IFT172: variants seen among roughly 807,000 people sequenced by gnomAD.
IFT172 encodes the protein intraflagellar transport 172.
In IFT172, 164 loss-of-function variants were observed where a neutral mutation model predicts 248.9. The ratio of observed to expected loss-of-function variants is 0.66; its 90% CI spans 0.58 to 0.75. The LOEUF (loss-of-function observed/expected upper bound fraction) is 0.75. Among genes scored for constraint, IFT172 ranks in the 30% least tolerant of loss-of-function variants. The pLI is 0.00. For synonymous variants in IFT172, 729 were observed against 791.6 expected (o/e 0.92, Z 1.33); for missense variants, 1,950 against 2,192.4 (o/e 0.89, Z 2.21).
chr2:27,453,902 A>G, intron 33 of IFT172, 80 bp downstream of exon 33: 2 of 1,479,186 alleles, frequency 1.4e-6, no homozygotes, highest in Non-Finnish European at 1.8e-6. Flanking sequence ...ATCTTTCTTC[A>G]TACCAGGGGT....
chr2:27,475,354 T>C (rs1374906710), intron 14 of IFT172: 1 of 152,142 alleles, frequency 6.6e-6, no homozygotes, highest in African/African-American at 2.4e-5. Context: ...ATCACTGTAA[T>C]AGTGAAAAAT....
chr2:27,475,045 C>T (rs1475724066), intron 14 of IFT172, among the ~76,000 whole-genome samples: 1 of 151,906 alleles, frequency 6.6e-6, no homozygotes, highest in Admixed American at 6.6e-5. Flanking sequence ...AAGAGACACT[C>T]TGATTTTAAA....
At chr2:27,484,642 AT>A (rs1668620973) in intron 3 of IFT172, among the ~76,000 whole-genome samples, 1 of 152,160 alleles carries the variant, frequency 6.6e-6, no homozygotes. Context: ...GCCAAAAATG[AT>A]GCTGAGGGAA....
In IFT172 at chr2:27,454,863, G is replaced by C. The variant is rs1463524089; in HGVS notation, c.3372-203C>G. 2.0e-5 allele frequency among the ~76,000 whole-genome samples: 3 copies of C among 151,418 alleles called. No homozygotes were observed. The highest frequency in any genetic ancestry group is 7.4e-5 in the African/African-American group (3 of 40,734). Reference sequence around the variant, plus strand: ...GTGAAGACCATGTCACTGTCAGCGTGGATCAAGAGACGTCTGGAAAAGCCT... The same window carrying C: ...GTGAAGACCATGTCACTGTCAGCGTCGATCAAGAGACGTCTGGAAAAGCCT... On this transcript the variant is annotated intron_variant, in intron 30 of 47. Transcript: ENST00000260570. The surrounding 1 kb of genome is among the most constrained non-coding windows in gnomAD (Gnocchi z 4.2).
At chr2:27,448,299 C>T (rs1364773222) in intron 40 of IFT172, among the ~76,000 whole-genome samples, 6 of 152,108 alleles carry the variant, frequency 3.9e-5, no homozygotes, top group Admixed American at 3.9e-4. Flanking sequence ...CGGGGTTTCA[C>T]CGTGTTAGCC....
chr2:27,489,683 G>C lies in IFT172; in HGVS notation c.-30C>G. 5 of 1,591,166 alleles carry C rather than the reference G, an allele frequency of 3.1e-6. No homozygotes were observed. Among genetic ancestry groups the C allele is most frequent in the Non-Finnish European group, 4.3e-6 (5 of 1,163,692 alleles). Reference sequence around the variant, plus strand: ...CACACCTGTCTTTCAGATGCTCCTAGACAGCGACAACTCCCGTGGTTACCT... The same window carrying C: ...CACACCTGTCTTTCAGATGCTCCTACACAGCGACAACTCCCGTGGTTACCT... On this transcript the variant is annotated 5_prime_UTR_variant, in exon 1 of 48. Coordinates refer to ENST00000260570, the MANE Select transcript of IFT172 (RefSeq NM_015662.3).
chr2:27,446,441 T>A, intron 42 of IFT172, 86 bp from the exon 43 acceptor site: 1 of 1,146,578 alleles, frequency 8.7e-7, no homozygotes, highest in Non-Finnish European at 1.3e-6. Flanking sequence ...GCCACAGAAC[T>A]AAAAAACAAC....
chr2:27,454,095 C>A lies in IFT172; in HGVS notation c.3598G>T (p.Ala1200Ser), dbSNP rs377521375. 25 of 1,613,976 alleles carry A rather than the reference C, an allele frequency of 1.5e-5. No individual in the cohort carries two copies. Among genetic ancestry groups the A allele is most frequent in the Non-Finnish European group, 2.1e-5 (25 of 1,180,026 alleles). The change falls in exon 33 of 48, where the codon GCC becomes TCC. Residue 1200 changes from alanine (A) to serine (S), a missense_variant. Physicochemically the swap from Ala to Ser is moderately conservative, Grantham distance 99 (BLOSUM62 1). Coordinates refer to ENST00000260570, the MANE Select transcript of IFT172 (RefSeq NM_015662.3). The surrounding 1 kb of genome is among the most constrained non-coding windows in gnomAD (Gnocchi z 4.2). ...CGGGCCTGTCCCACAAGCACCTCGG[C>A]GACACTGTCAGGGTCGTGAGCCTCA... ...VAEAHDPDSV[A>S]EVLVGQARGA...
At chr2:27,463,526 TCTC>T (rs1389183058) in intron 18 of IFT172, among the ~76,000 whole-genome samples, 2 of 143,256 alleles carry the variant, frequency 1.4e-5, no homozygotes, top group East Asian at 2.0e-4. Context: ...GTGATTCTTT[TCTC>T]TTTTTTTTTT....
Position 27,461,347 on chromosome 2 carries a change from G to T in IFT172, c.2364C>A (p.Thr788=). 1.2e-6 allele frequency: 2 copies of T among 1,614,146 alleles called. No homozygotes were observed. The highest frequency in any genetic ancestry group is 1.7e-6 in the Non-Finnish European group (2 of 1,180,024). The change falls in exon 22 of 48, where the codon ACC becomes ACA. Residue 788 remains threonine, a synonymous_variant. Transcript: ENST00000260570. ...LPAKAARLVL[T]REELLANTEL... ...CTGTGTTGGCTAGCAGTTCCTCTCGGGTCAGCACCAGCCGAGCAGCTTTGG... is the reference window on the plus strand; with the variant it reads ...CTGTGTTGGCTAGCAGTTCCTCTCGTGTCAGCACCAGCCGAGCAGCTTTGG...
chr2:27,444,422 G>A lies in IFT172; in HGVS notation c.*10C>T. 6.3e-7 allele frequency: 1 copy of A among 1,587,140 alleles called. No homozygotes were observed. Among genetic ancestry groups the A allele is most frequent in the Non-Finnish European group, 8.6e-7 (1 of 1,157,102 alleles). On this transcript the variant is annotated 3_prime_UTR_variant, in exon 48 of 48. Transcript: ENST00000260570. ...AGGGAGAGGCCCTAACTCTTCCTCA[G>A]CTCTACCAACTACTGAAAGGAAAAG...
Position 27,489,638 on chromosome 2 carries a change from G to A in IFT172, c.16C>T (p.Leu6=), listed in dbSNP as rs1245102913. The A allele has an allele frequency of 6.2e-7, 1 of 1,612,776 alleles. No individual in the cohort carries two copies. The highest frequency in any genetic ancestry group is 8.5e-7 in the Non-Finnish European group (1 of 1,179,134). The part of the protein sequence containing the change: MHLKH[L]RTLLSPQDGA... ...ACCTGAGGGCTCAGCAGGGTCCTCAGGTGCTTCAAGTGCATGACGCACACC... is the reference window on the plus strand; with the variant it reads ...ACCTGAGGGCTCAGCAGGGTCCTCAAGTGCTTCAAGTGCATGACGCACACC... The change falls in exon 1 of 48, where the codon CTG becomes TTG. Residue 6 remains leucine, a synonymous_variant. Coordinates refer to ENST00000260570, the MANE Select transcript of IFT172 (RefSeq NM_015662.3).
At chr2:27,488,519 T>C (rs1668931416) in intron 1 of IFT172, among the ~76,000 whole-genome samples, 1 of 152,112 alleles carries the variant, frequency 6.6e-6, no homozygotes, top group Non-Finnish European at 1.5e-5. Context: ...GCCTCCCAAA[T>C]TGCTGGGATT....
chr2:27,459,921 TAAG>T, intron 23 of IFT172, 92 bp from the exon 24 acceptor site: 1 of 1,536,792 alleles, frequency 6.5e-7, no homozygotes, highest in East Asian at 2.3e-5. Flanking sequence ...GGAGAATAGG[TAAG>T]AAGGGGAGGA....
At position 27,447,855 on chromosome 2, in the gene IFT172, G is replaced by C; in HGVS notation, c.4496C>G (p.Ala1499Gly). The change falls in exon 41 of 48, where the codon GCC (alanine) becomes GGC (glycine). Residue 1499 changes from alanine (A) to glycine (G), a missense_variant. Physicochemically the swap from Ala to Gly is moderately conservative, Grantham distance 60. Transcript: ENST00000260570. Reference sequence around the variant, plus strand: ...TCGAAGATCAGCCCAGCTATGATAGGCCTCGGCACAGTTGGTTCCAGGAGA... The same window carrying C: ...TCGAAGATCAGCCCAGCTATGATAGCCCTCGGCACAGTTGGTTCCAGGAGA... ...VSSPGTNCAEAYHSWADLRDV... is the reference protein window; with the variant it reads ...VSSPGTNCAEGYHSWADLRDV... 1 of 1,613,910 alleles carries C rather than the reference G, an allele frequency of 6.2e-7. No homozygotes were observed. Among genetic ancestry groups the C allele is most frequent in the Non-Finnish European group, 8.5e-7 (1 of 1,179,784 alleles).
chr2:27,461,444 G>C lies in IFT172; in HGVS notation c.2267C>G (p.Ala756Gly). ...WLMDTQQEERAGELQESQGDG... is the reference protein window; with the variant it reads ...WLMDTQQEERGGELQESQGDG... ...CCCTTGGCTCTCCTGTAGTTCACCT[G>C]CTCGCTCCTCTTGCTGTGTGTCCAT... The change falls in exon 22 of 48, where the codon GCA becomes GGA. Residue 756 changes from alanine to glycine, a missense_variant. Around this residue, in one of 3 missense-constraint regions of IFT172, gnomAD observed 1,166 missense variants for 1,254.1 expected, o/e 0.93. Coordinates refer to ENST00000260570, the MANE Select transcript of IFT172 (RefSeq NM_015662.3). 6.2e-7 allele frequency: 1 copy of C among 1,614,154 alleles called. No homozygotes were observed. Among genetic ancestry groups the C allele is most frequent in the Non-Finnish European group, 8.5e-7 (1 of 1,180,020 alleles).
chr2:27,472,460 G>T, intron 14 of IFT172, 98 bp from the exon 15 acceptor site: 1 of 884,780 alleles, frequency 1.1e-6, no homozygotes. Flanking sequence ...AGGAAGCTAG[G>T]TCTCTTTTAG....
chr2:27,454,517 G>A lies in IFT172; in HGVS notation c.3465+50C>T, dbSNP rs375377748. 1.2e-6 allele frequency: 2 copies of A among 1,609,754 alleles called. No individual in the cohort carries two copies. The highest frequency in any genetic ancestry group is 1.7e-6 in the Non-Finnish European group (2 of 1,176,214). On this transcript the variant is annotated intron_variant, in intron 31 of 47. Transcript: ENST00000260570. This position sits in a 1 kb window ranked among gnomAD's most constrained non-coding sequence, Gnocchi z 4.2. ...CTGCACACCCAGCAGCAGTGCACTA[G>A]GGGATGGAATAAGAGGGCTCTGCGG...
chr2:27,445,411 T>C lies in IFT172; in HGVS notation c.4953A>G (p.Thr1651=). 1 of 1,612,554 alleles carries C rather than the reference T, an allele frequency of 6.2e-7. No homozygotes were observed. The stretch of plus-strand genomic sequence containing the variant: ...GCTCCAGCCGCTGGTCCATGGAGAC[T>C]GTAAGCACCCAGTCTCGAACCTCTT... ...EREEVRDWVL[T]VSMDQRLEQV... Residue 1651 remains threonine (T), a synonymous_variant, in exon 46 of 48, where the codon ACA becomes ACG. Transcript: ENST00000260570. This position sits in a 1 kb window ranked among gnomAD's most constrained non-coding sequence, Gnocchi z 4.4.
Sources: gnomAD v4.1 joint callset for allele counts (sites outside exome capture counted in the v4.1 genomes callset) on GRCh38, gnomAD v4.1.1 for gene constraint, gnomAD v4.1.1 regional missense constraint, Gnocchi (gnomAD v3.1) non-coding constraint, MANE v1.5 for transcripts, NCBI Gene and HGNC (gene_info 2026-07-23, HGNC 2026-07-21) for gene names.